TNR: variants seen among roughly 807,000 people sequenced by gnomAD.
The protein encoded by TNR is tenascin-R.
TNR carries 45 observed loss-of-function variants against 150.4 expected under a neutral mutation model. The ratio of observed to expected loss-of-function variants is 0.30; its 90% confidence interval spans 0.24 to 0.38. TNR has a LOEUF of 0.38. TNR is among the 10% of genes least tolerant of loss of function. The pLI, the probability that TNR is intolerant of heterozygous loss-of-function variation, is 1.00. For missense variants in TNR, 1,544 were observed against 1,759.1 expected (o/e 0.88, Z 2.19); for synonymous variants, 687 against 678.4 (o/e 1.01, Z -0.20).
chr1:175,477,675 G>A (rs888106904), intron 2 of TNR, among the ~76,000 whole-genome samples: 2 of 152,202 alleles, frequency 1.3e-5, no homozygotes, highest in African/African-American at 2.4e-5. Context: ...GCCAGTCAGG[G>A]ATTAAGTGGA....
At position 175,315,459 on chromosome 1, in the gene TNR, C is replaced by T. The variant is rs891099404; in HGVS notation, c.*7898G>A. On this transcript the variant is annotated 3_prime_UTR_variant, in exon 23 of 23. Coordinates refer to ENST00000367674, the MANE Select transcript of TNR (RefSeq NM_003285.3). ...CCATTTTCTTTTTTTTTTCTTCCTT[C>T]CAGTCTTTCTTTTAAGTAAGCGCTT... 25 of 151,342 alleles carry T rather than the reference C, an allele frequency of 1.7e-4. No individual in the cohort carries two copies. The highest frequency in any genetic ancestry group is 5.8e-4 in the African/African-American group (24 of 41,174). 9.4% of individuals were successfully genotyped at this position (151,342 alleles called of 1,614,324 possible).
intron 2 of TNR, among the ~76,000 whole-genome samples, chr1:175,523,599 A>C (rs1659728297): frequency 6.6e-6 from 1 of 152,220 alleles, no homozygotes; most frequent in Admixed American, 6.5e-5. Flanking sequence ...GTTTGGGTGG[A>C]TTCATGGAGA....
chr1:175,503,664 G>A (rs1416588830), intron 2 of TNR, among the ~76,000 whole-genome samples: 1 of 152,188 alleles, frequency 6.6e-6, no homozygotes, highest in Non-Finnish European at 1.5e-5. Flanking sequence ...TGAGTGCTGT[G>A]TGCAGAGCGA....
intron 1 of TNR, among the ~76,000 whole-genome samples, chr1:175,537,240 G>A (rs1054377964): frequency 6.6e-6 from 1 of 152,220 alleles, no homozygotes; most frequent in Non-Finnish European, 1.5e-5. Flanking sequence ...GCTCTCCTCA[G>A]TGAAAGAGCC....
chr1:175,729,309 T>C (rs1343708438), intron 1 of TNR, among the ~76,000 whole-genome samples: 2 of 152,200 alleles, frequency 1.3e-5, no homozygotes, highest in African/African-American at 4.8e-5. Context: ...CCCAGCCTCA[T>C]CCTCTTTCCA....
chr1:175,452,789 G>C (rs1044058213), intron 2 of TNR, among the ~76,000 whole-genome samples: 3 of 152,196 alleles, frequency 2.0e-5, no homozygotes, highest in African/African-American at 7.2e-5. Flanking sequence ...ATAGCCAAAA[G>C]GTGGAAAAAG....
At chr1:175,633,289 A>G (rs1446259411) in intron 1 of TNR, among the ~76,000 whole-genome samples, 1 of 152,086 alleles carries the variant, frequency 6.6e-6, no homozygotes, top group African/African-American at 2.4e-5. Context: ...GTAGGCCAAG[A>G]CTTGGTCTTA....
At chr1:175,694,477 TC>T (rs983607143) in intron 1 of TNR, among the ~76,000 whole-genome samples, 5 of 152,216 alleles carry the variant, frequency 3.3e-5, no homozygotes, top group African/African-American at 1.2e-4. Context: ...CACTGTCCAA[TC>T]AGATCCCACA....
intron 1 of TNR, among the ~76,000 whole-genome samples, chr1:175,549,996 C>T (rs769825054): frequency 6.6e-6 from 1 of 152,088 alleles, no homozygotes; most frequent in Non-Finnish European, 1.5e-5. Flanking sequence ...ATTTGTTGTG[C>T]AGCAATAGAG....
intron 6 of TNR, among the ~76,000 whole-genome samples, chr1:175,391,984 G>A (rs1423611763): frequency 1.3e-5 from 2 of 152,236 alleles, no homozygotes; most frequent in Non-Finnish European, 2.9e-5. Context: ...TGCTACATTC[G>A]GTGTGAATCT....
At chr1:175,649,927 A>AT (rs566866022) in intron 1 of TNR, among the ~76,000 whole-genome samples, 1,779 of 150,792 alleles carry the variant, frequency 0.012, 22 homozygotes, top group Non-Finnish European at 0.018. Context: ...TGTTTCCCTC[A>AT]TTTTTTTTTG....
chr1:175,696,244 T>TC (rs397982007), intron 1 of TNR, among the ~76,000 whole-genome samples: 6 of 143,018 alleles, frequency 4.2e-5, no homozygotes, highest in East Asian at 1.9e-4. Context: ...TTTTTTTTTT[T>TC]CCAAAATTTA....
intron 7 of TNR, among the ~76,000 whole-genome samples, chr1:175,389,506 C>G (rs1458285566): frequency 6.6e-6 from 1 of 152,182 alleles, no homozygotes; most frequent in East Asian, 1.9e-4. Flanking sequence ...GGGTCTCCCC[C>G]TTAGACTATT....
chr1:175,497,784 G>A (rs1658549680), intron 2 of TNR, among the ~76,000 whole-genome samples: 2 of 152,196 alleles, frequency 1.3e-5, no homozygotes, highest in Non-Finnish European at 2.9e-5. Context: ...TCCTGGCTGG[G>A]CATGGTGGCT....
At chr1:175,612,544 A>C (rs1663630804) in intron 1 of TNR, among the ~76,000 whole-genome samples, 3 of 152,186 alleles carry the variant, frequency 2.0e-5, no homozygotes, top group Admixed American at 1.3e-4. Flanking sequence ...GCAGTGCTAA[A>C]TACTAGGATT....
chr1:175,629,656 G>T (rs1202909647), intron 1 of TNR, among the ~76,000 whole-genome samples: 1 of 152,132 alleles, frequency 6.6e-6, no homozygotes, highest in Non-Finnish European at 1.5e-5. Context: ...GCCTGGTGCG[G>T]CCTCAGAGTC....
chr1:175,472,770 A>G (rs1657358549), intron 2 of TNR, among the ~76,000 whole-genome samples: 1 of 152,210 alleles, frequency 6.6e-6, no homozygotes, highest in Non-Finnish European at 1.5e-5. Flanking sequence ...GTATGTAGTC[A>G]TCTGGGTTCC....
chr1:175,555,652 G>A (rs1354754872), intron 1 of TNR, among the ~76,000 whole-genome samples: 1 of 152,124 alleles, frequency 6.6e-6, no homozygotes, highest in African/African-American at 2.4e-5. Context: ...TATTGTCAAG[G>A]GTATTTGGTC....
Position 175,319,443 on chromosome 1 carries a change from G to A in TNR, c.*3914C>T, listed in dbSNP as rs1319106127. ...TCTGCTCTGAGACTGGATTTGAAAA[G>A]TAAAAATGTGATTAGGATTGTTTGG... is the stretch of plus-strand genomic sequence containing the variant. On this transcript the variant is annotated 3_prime_UTR_variant, in exon 23 of 23. Transcript: ENST00000367674. 6.6e-6 allele frequency: 1 copy of A among 152,200 alleles called. No homozygotes were observed. The allele number at this position is 152,200 out of a possible 1,614,324, so 9.4% of individuals were successfully genotyped here.
Sources: allele counts gnomAD v4.1 joint callset (sites outside exome capture counted in the v4.1 genomes callset), GRCh38; gene constraint gnomAD v4.1.1; transcripts MANE v1.5; gene names NCBI Gene and HGNC (gene_info 2026-07-23, HGNC 2026-07-21).